The following ALK variants were observed in gnomAD, a reference collection of about 807,000 sequenced individuals.
The protein encoded by ALK is ALK receptor tyrosine kinase.
Under a neutral mutation model 163.1 loss-of-function variants are expected in ALK, and 74 were observed. The observed-to-expected ratio is 0.45, with a 90% confidence interval of 0.38 to 0.55. The LOEUF (loss-of-function observed/expected upper bound fraction) is 0.55, where lower values mean the gene tolerates loss of function less well. Among genes scored for constraint, ALK ranks in the 20% least tolerant of loss-of-function variants. The probability of loss-of-function intolerance (pLI) is 0.00; values close to 1 mark genes in which losing one functional copy is unlikely to be tolerated. For missense variants in ALK, 2,063 were observed against 2,105.3 expected, an observed-to-expected ratio of 0.98 and a Z score of 0.39; for synonymous variants, 960 against 843.2, an observed-to-expected ratio of 1.14 and a Z score of -2.40.
At chr2:29,585,234 G>A (rs946743897) in intron 3 of ALK, among the ~76,000 whole-genome samples, 2 of 151,976 alleles carry the variant, frequency 1.3e-5, no homozygotes, top group African/African-American at 4.8e-5. Context: ...ATTTACTTTA[G>A]GTGATGATGC....
chr2:29,494,784 T>C (rs996790446), intron 4 of ALK, among the ~76,000 whole-genome samples: 9 of 152,030 alleles, frequency 5.9e-5, no homozygotes, highest in African/African-American at 1.9e-4. Context: ...GTCCCAGGAC[T>C]GACTTCCTGC....
At position 29,683,656 on chromosome 2, in the gene ALK, C is replaced by T. The variant is rs538193002; in HGVS notation, c.952+11194G>A. On this transcript the variant is annotated intron_variant, in intron 3 of 28. Transcript: ENST00000389048. ...ATTACTGCCTCAGGTGAGGGCTCCT[C>T]ATTCTCAGCAAATCCTTTGTCATGT... Among the ~76,000 whole-genome samples, 7 of 152,300 alleles carry T rather than the reference C, an allele frequency of 4.6e-5. No homozygotes were observed. The South Asian group carries it at 1.5e-3, about 32-fold the overall frequency.
At chr2:29,257,200 C>G (rs1664970968) in intron 11 of ALK, among the ~76,000 whole-genome samples, 1 of 150,860 alleles carries the variant, frequency 6.6e-6, no homozygotes, top group South Asian at 2.1e-4. Context: ...TTCCTCTTCT[C>G]TCAAACAAAC....
intron 3 of ALK, among the ~76,000 whole-genome samples, chr2:29,686,349 G>A (rs552614204): frequency 1.6e-4 from 24 of 152,260 alleles, no homozygotes; most frequent in African/African-American, 5.5e-4. Context: ...AGTGTGACCT[G>A]AATCACTGGG....
chr2:29,900,708 G>T (rs1307242655), intron 1 of ALK, among the ~76,000 whole-genome samples: 1 of 152,204 alleles, frequency 6.6e-6, no homozygotes, highest in Non-Finnish European at 1.5e-5. Context: ...AACGTGCACA[G>T]GACACTGTGA....
chr2:29,660,253 T>C lies in ALK; in HGVS notation c.952+34597A>G, dbSNP rs146215530. Among the ~76,000 whole-genome samples, 652 of 152,288 alleles carry C rather than the reference T, an allele frequency of 4.3e-3. 4 individuals are homozygous for C. Among genetic ancestry groups the C allele is most frequent in the African/African-American group, 0.015 (619 of 41,568 alleles). On this transcript the variant is annotated intron_variant, in intron 3 of 28. Coordinates refer to ENST00000389048, the MANE Select transcript of ALK (RefSeq NM_004304.5). ...CTTCTTGACTGGTCATGTTAAATCCTAGCCCAGGAAATGCAGTAACAGCTC... is the reference window on the plus strand; with the variant it reads ...CTTCTTGACTGGTCATGTTAAATCCCAGCCCAGGAAATGCAGTAACAGCTC...
At chr2:29,617,752 G>T (rs1391491747) in intron 3 of ALK, among the ~76,000 whole-genome samples, 6 of 152,112 alleles carry the variant, frequency 3.9e-5, no homozygotes, top group African/African-American at 1.4e-4. Flanking sequence ...CTACTGCAGT[G>T]GCCCCATTGT....
At chr2:29,689,968 G>T (rs780793530) in intron 3 of ALK, among the ~76,000 whole-genome samples, 1 of 152,192 alleles carries the variant, frequency 6.6e-6, no homozygotes, top group Non-Finnish European at 1.5e-5. Flanking sequence ...GAGCCTCCGG[G>T]AGGTACTAAC....
intron 9 of ALK, among the ~76,000 whole-genome samples, chr2:29,275,894 GA>G (rs886393636): frequency 6.6e-6 from 1 of 152,068 alleles, no homozygotes; most frequent in African/African-American, 2.4e-5. Context: ...CTGAGTTGGG[GA>G]AAAAAATACC....
Position 29,783,665 on chromosome 2 carries a change from T to C in ALK, c.668-65968A>G, listed in dbSNP as rs572239371. ...GAGTTTTGCTGTCCCAGGAGAGGAGTTGGTTTAGCTGTTTTATCAAAAAGC... is the reference window on the plus strand; with the variant it reads ...GAGTTTTGCTGTCCCAGGAGAGGAGCTGGTTTAGCTGTTTTATCAAAAAGC... On this transcript the variant is annotated intron_variant, in intron 1 of 28. Transcript: ENST00000389048. Among the ~76,000 whole-genome samples, 3 of 151,718 alleles carry C rather than the reference T, an allele frequency of 2.0e-5. No homozygotes were observed. In the South Asian group the frequency reaches 6.3e-4, roughly 32 times the overall value.
chr2:29,723,958 C>T (rs957166280), intron 1 of ALK, among the ~76,000 whole-genome samples: 7 of 152,204 alleles, frequency 4.6e-5, no homozygotes, highest in African/African-American at 1.7e-4. Flanking sequence ...ATGATCACAA[C>T]TACCCAAATT....
intron 4 of ALK, among the ~76,000 whole-genome samples, chr2:29,520,676 T>A (rs1425238556): frequency 1.3e-5 from 2 of 151,954 alleles, no homozygotes; most frequent in Non-Finnish European, 2.9e-5. Flanking sequence ...GTCGGGAAGG[T>A]GAGGGAAGGC....
intron 18 of ALK, 70 bp from the exon 19 acceptor site, chr2:29,225,635 A>C: frequency 7.7e-7 from 1 of 1,306,848 alleles, no homozygotes; most frequent in Non-Finnish European, 1.1e-6. Flanking sequence ...CCAAGTCAGA[A>C]ATAACCTCCC....
chr2:29,635,428 C>T lies in ALK; in HGVS notation c.952+59422G>A, dbSNP rs1352103579. 2.0e-5 allele frequency among the ~76,000 whole-genome samples: 3 copies of T among 152,042 alleles called. 1 individual carries two copies. Among genetic ancestry groups the T allele is most frequent in the African/African-American group, 7.2e-5 (3 of 41,404 alleles). On this transcript the variant is annotated intron_variant, in intron 3 of 28. Coordinates refer to ENST00000389048, the MANE Select transcript of ALK (RefSeq NM_004304.5). The stretch of plus-strand genomic sequence containing the variant: ...AGTTGACAATTGTACAGATATTATG[C>T]AGAGATTATGATGTAAAGACAGGCA...
At chr2:29,266,423 ATATT>A (rs1463268828) in intron 11 of ALK, among the ~76,000 whole-genome samples, 1 of 152,244 alleles carries the variant, frequency 6.6e-6, no homozygotes, top group Non-Finnish European at 1.5e-5. Flanking sequence ...AATGCACTGA[ATATT>A]TATAGAAGGC....
chr2:29,473,483 A>C lies in ALK; in HGVS notation c.1154+58432T>G, dbSNP rs150920108. Among the ~76,000 whole-genome samples, 377 of 152,358 alleles carry C rather than the reference A, an allele frequency of 2.5e-3. 3 individuals carry two copies. The highest frequency in any genetic ancestry group is 8.6e-3 in the African/African-American group (359 of 41,584). On this transcript the variant is annotated intron_variant, in intron 4 of 28. Transcript: ENST00000389048. ...TGGAGAAAATATCTGCAATATTCAC[A>C]ATGTATACATCTTAAGGACTGTTGT... is the stretch of plus-strand genomic sequence containing the variant.
At chr2:29,555,276 C>T (rs1257591080) in intron 3 of ALK, among the ~76,000 whole-genome samples, 2 of 152,000 alleles carry the variant, frequency 1.3e-5, no homozygotes, top group East Asian at 1.9e-4. Context: ...TTCCTAATGT[C>T]CCCCTCACTG....
At chr2:29,644,287 T>C (rs1454883391) in intron 3 of ALK, among the ~76,000 whole-genome samples, 12 of 149,320 alleles carry the variant, frequency 8.0e-5, no homozygotes, top group Non-Finnish European at 1.5e-4. Flanking sequence ...TTAGGAGATA[T>C]ACCTAAAGTT....
chr2:29,791,028 T>G (rs1489367436), intron 1 of ALK, among the ~76,000 whole-genome samples: 6 of 152,208 alleles, frequency 3.9e-5, no homozygotes, highest in Non-Finnish European at 7.3e-5. Context: ...TCTTGGCAAG[T>G]CTCTTCCTTT....
Sources: gnomAD v4.1 joint callset for allele counts (sites outside exome capture counted in the v4.1 genomes callset) on GRCh38, gnomAD v4.1.1 for gene constraint, MANE v1.5 for transcripts, NCBI Gene and HGNC (gene_info 2026-07-23, HGNC 2026-07-21) for gene names.